Variants in ODAD1 observed in about 807,000 individuals in gnomAD.
The protein encoded by ODAD1 is outer dynein arm docking complex subunit 1.
In ODAD1, 49 loss-of-function variants were observed where a neutral mutation model predicts 67.2. That is an observed-to-expected ratio of 0.73 (90% CI 0.58 to 0.92). ODAD1 has a LOEUF of 0.92. ODAD1 is among the 40% of genes least tolerant of loss of function. The pLI is 0.00. For missense variants in ODAD1, 897 were observed against 953.7 expected, an observed-to-expected ratio of 0.94 and a Z score of 0.78; for synonymous variants, 345 against 393.7, an observed-to-expected ratio of 0.88 and a Z score of 1.46.
intron 14 of ODAD1, 48 bp downstream of exon 14, chr19:48,297,952 C>A (rs760509322): frequency 6.9e-7 from 1 of 1,453,070 alleles, no homozygotes. Flanking sequence ...TCCCTCTGCC[C>A]CCATGGAAGC....
intron 3 of ODAD1, among the ~76,000 whole-genome samples, chr19:48,319,069 A>G (rs1471421807): frequency 6.6e-6 from 1 of 152,020 alleles, no homozygotes; most frequent in Non-Finnish European, 1.5e-5. Context: ...CACTTCTGGA[A>G]GGCCTCTGGG....
At position 48,304,101 on chromosome 19, in the gene ODAD1, G is replaced by A. The variant is rs368483838; in HGVS notation, c.705C>T (p.Arg235=). 4.7e-5 allele frequency: 76 copies of A among 1,613,474 alleles called. No homozygotes were observed. In the African/African-American group the frequency reaches 9.1e-4, roughly 19 times the overall value. Residue 235 remains arginine, a synonymous_variant, in exon 9 of 16, where the codon CGC becomes CGT. Coordinates refer to ENST00000674294, the MANE Select transcript of ODAD1 (RefSeq NM_001364171.2). ...AKAKMGLLRE[R]AEKEEAQSEM... The stretch of plus-strand genomic sequence containing the variant: ...CGCTCTGGGCCTCCTCTTTCTCCGC[G>A]CGCTCCCGCAGCAAGCCCATCTTGG...
intron 12 of ODAD1, among the ~76,000 whole-genome samples, chr19:48,301,765 G>A (rs1356539059): frequency 6.6e-6 from 1 of 151,098 alleles, no homozygotes; most frequent in African/African-American, 2.4e-5. Context: ...CAGTTGGAGG[G>A]ATAGACCCTG....
At chr19:48,297,806 C>T in intron 14 of ODAD1, 138 bp from the exon 15 acceptor site, 4 of 889,792 alleles carry the variant, frequency 4.5e-6, no homozygotes, top group East Asian at 2.8e-5. Flanking sequence ...GCACCCGGGG[C>T]CCCATCCTCC....
In ODAD1 at chr19:48,304,059, G is replaced by T; in HGVS notation, c.747C>A (p.Val249=). ...CCAGGTGCAAGATCTGCCGCTGCAG[G>T]ACCTGCGCCTCCATCTCGCTCTGGG... is the stretch of plus-strand genomic sequence containing the variant. ...EEAQSEMEAQ[V]LQRQILHLEQ... is the part of the protein sequence containing the mutation. The change falls in exon 9 of 16, where the codon GTC becomes GTA. Residue 249 remains valine (V), a synonymous_variant. Coordinates refer to ENST00000674294, the MANE Select transcript of ODAD1 (RefSeq NM_001364171.2). 6.2e-7 allele frequency: 1 copy of T among 1,614,232 alleles called. No individual in the cohort carries two copies.
rs771160107 is a variant in ODAD1, at chr19:48,302,752, A to G, written c.1182T>C (p.Ala394=). 6.2e-7 allele frequency: 1 copy of G among 1,613,586 alleles called. No homozygotes were observed. Among genetic ancestry groups the G allele is most frequent in the South Asian group, 1.1e-5 (1 of 91,090 alleles). Residue 394 remains alanine, a synonymous_variant, in exon 12 of 16, where the codon GCT becomes GCC. Coordinates refer to ENST00000674294, the MANE Select transcript of ODAD1 (RefSeq NM_001364171.2). ...CCTGGAAGCGGGCCTCAAGGCGCTC[A>G]GCCTCCGAGTGCACCTTGTCCATGC... The part of the protein sequence containing the change: ...QQRMDKVHSE[A]ERLEARFQDV...
intron 10 of ODAD1, 186 bp downstream of exon 10, chr19:48,303,464 G>C: frequency 1.5e-6 from 1 of 649,494 alleles, no homozygotes; most frequent in East Asian, 2.7e-5. Flanking sequence ...GGAGGGGGTG[G>C]GGAGGGGCAG....
chr19:48,318,687 G>C (rs565884445), intron 4 of ODAD1, 26 bp downstream of exon 4: 46 of 1,538,914 alleles, frequency 3.0e-5, no homozygotes, highest in Non-Finnish European at 4.1e-5. Flanking sequence ...CTCCTCCCCA[G>C]CTCAGGGCCC....
intron 5 of ODAD1, among the ~76,000 whole-genome samples, chr19:48,316,363 G>A (rs1472773808): frequency 6.6e-6 from 1 of 150,778 alleles, no homozygotes; most frequent in Admixed American, 6.6e-5. Flanking sequence ...CTGGGTGACA[G>A]AGCGAGACTT....
At chr19:48,318,297 G>T in intron 5 of ODAD1, 90 bp downstream of exon 5, 2 of 1,158,522 alleles carry the variant, frequency 1.7e-6, no homozygotes, top group Non-Finnish European at 2.5e-6. Context: ...CGGCCTAATA[G>T]CCCCAATTTC....
rs1472744007 is a variant in ODAD1, at chr19:48,298,320, T to C, written c.1261A>G (p.Lys421Glu). ...LKADIQLLFT[K>E]AHCDSSMIDD... ...ATCATGCTGCTGTCGCAATGGGCCT[T>C]GGTGAAGAGGAGCTGGATATCTGCG... Residue 421 changes from lysine to glutamate, a missense_variant, in exon 13 of 16, where the codon AAG becomes GAG. By Grantham distance (56) the Lys-to-Glu change is moderately conservative. Coordinates refer to ENST00000674294, the MANE Select transcript of ODAD1 (RefSeq NM_001364171.2). The C allele has an allele frequency of 2.5e-6, 4 of 1,613,982 alleles. No homozygotes were observed. Among genetic ancestry groups the C allele is most frequent in the African/African-American group, 1.3e-5 (1 of 74,924 alleles).
Position 48,296,823 on chromosome 19 carries a change from A to C in ODAD1, c.*153T>G. On this transcript the variant is annotated 3_prime_UTR_variant, in exon 16 of 16. Coordinates refer to ENST00000674294, the MANE Select transcript of ODAD1 (RefSeq NM_001364171.2). ...GGGAGACACAGGTGAGGCGGTGATG[A>C]AGGGCAGATGAAAACAGTTGAAGGG... is the stretch of plus-strand genomic sequence containing the variant. The C allele has an allele frequency of 7.0e-7, 1 of 1,428,628 alleles. No individual in the cohort carries two copies. The highest frequency in any genetic ancestry group is 2.5e-5 in the East Asian group (1 of 39,488). The allele number at this position is 1,428,628 out of a possible 1,614,324, so 88.5% of individuals were successfully genotyped here. A position where few individuals can be genotyped will look rare whatever the true frequency, so the allele number is the denominator to read the frequency against.
chr19:48,312,580 C>A (rs951080547), intron 5 of ODAD1, among the ~76,000 whole-genome samples: 15 of 151,954 alleles, frequency 9.9e-5, no homozygotes, highest in Non-Finnish European at 1.6e-4. Context: ...CCACACCCAG[C>A]TAATTTTTGT....
Position 48,312,002 on chromosome 19 carries a change from A to C in ODAD1, c.475T>G (p.Leu159Val), listed in dbSNP as rs968591762. ...AGGAGTTTGACCCTCACCCTGTCCAACTGGTTTTCTAGGATCCTGATCCTT... is the reference window on the plus strand; with the variant it reads ...AGGAGTTTGACCCTCACCCTGTCCACCTGGTTTTCTAGGATCCTGATCCTT... ...RRRIRILENQLDRVTCHFDNQ... is the reference protein window; with the variant it reads ...RRRIRILENQVDRVTCHFDNQ... Residue 159 changes from leucine (L) to valine (V), a missense_variant, in exon 6 of 16, where the codon TTG becomes GTG. Leu to Val is a conservative substitution (Grantham distance 32). Coordinates refer to ENST00000674294, the MANE Select transcript of ODAD1 (RefSeq NM_001364171.2). The C allele has an allele frequency of 6.4e-7, 1 of 1,551,116 alleles. No individual in the cohort carries two copies.
chr19:48,303,207 G>C, intron 10 of ODAD1, 112 bp from the exon 11 acceptor site: 1 of 820,864 alleles, frequency 1.2e-6, no homozygotes, highest in South Asian at 1.4e-5. Flanking sequence ...AGATGAGGAA[G>C]GCCACACAGA....
In ODAD1 at chr19:48,302,913, G is replaced by A. The variant is rs370315745; in HGVS notation, c.1072-51C>T. ...GCCAGATGGCAGCCTCGGGAGTTGG[G>A]GGTGTGGAGCTAGGAAGAAGCAGGA... On this transcript the variant is annotated intron_variant, in intron 11 of 15. Transcript: ENST00000674294. 5.8e-5 allele frequency: 93 copies of A among 1,612,598 alleles called. 1 individual carries two copies. The Middle Eastern group carries it at 1.3e-3, about 23-fold the overall frequency.
chr19:48,307,466 T>C (rs1968638072), intron 7 of ODAD1, among the ~76,000 whole-genome samples: 1 of 152,148 alleles, frequency 6.6e-6, no homozygotes, highest in Non-Finnish European at 1.5e-5. Flanking sequence ...AAAATATGTG[T>C]GCTTCCTAGC....
chr19:48,303,458 G>C, intron 10 of ODAD1, 192 bp downstream of exon 10: 16 of 635,860 alleles, frequency 2.5e-5, no homozygotes, highest in South Asian at 3.9e-5. Context: ...GAGTTAGGAG[G>C]GGGTGGGGAG....
rs760703306 is a variant in ODAD1 at position 48,306,309 on chromosome 19, C to A, written c.612G>T (p.Leu204=). 1.9e-6 allele frequency: 3 copies of A among 1,551,410 alleles called. No homozygotes were observed. Among genetic ancestry groups the A allele is most frequent in the Non-Finnish European group, 1.7e-6 (2 of 1,146,836 alleles). Residue 204 remains leucine (L), a synonymous_variant, in exon 8 of 16, where the codon CTG becomes CTT. Transcript: ENST00000674294. ...GGATAAGGGTGCTGACCAGGTGATG[C>A]AGGTGGTGGATCTCCTGTGGGGGGA... is the stretch of plus-strand genomic sequence containing the variant. ...DRKLKKEIHH[L]HHLVSTLILS...
Sources: gnomAD v4.1 joint callset for allele counts (sites outside exome capture counted in the v4.1 genomes callset) on GRCh38, gnomAD v4.1.1 for gene constraint, MANE v1.5 for transcripts, NCBI Gene and HGNC (gene_info 2026-07-23, HGNC 2026-07-21) for gene names.